LSP1: variants seen among roughly 807,000 people sequenced by gnomAD.
The protein encoded by LSP1 is lymphocyte specific protein 1.
Under a neutral mutation model 49.3 loss-of-function variants are expected in LSP1, and 32 were observed. The ratio of observed to expected loss-of-function variants is 0.65; its 90% CI spans 0.49 to 0.87. The LOEUF is 0.87. Ranked by LOEUF, LSP1 falls within the 40% of genes least tolerant of loss-of-function variation. The probability of loss-of-function intolerance (pLI) is 0.00; values close to 1 mark genes in which losing one functional copy is unlikely to be tolerated. For missense variants in LSP1, 428 were observed against 442.6 expected, an observed-to-expected ratio of 0.97 and a Z score of 0.30; for synonymous variants, 179 against 178.8, an observed-to-expected ratio of 1.00 and a Z score of -0.01.
rs768315651 is a variant in LSP1 at position 1,881,450 on chromosome 11, G to A, written c.210G>A (p.Ser70=). 74 of 1,576,654 alleles carry A rather than the reference G, an allele frequency of 4.7e-5. No homozygotes were observed. The highest frequency in any genetic ancestry group is 5.7e-5 in the Non-Finnish European group (66 of 1,160,716). The change falls in exon 3 of 11, where the codon TCG becomes TCA. Residue 70 remains serine (S), a synonymous_variant. Transcript: ENST00000311604. ...CCCTCAGCCTCAGCCTGAAGCCCTCGGAGGCCCCTGAACTGGATGAGGACG... is the reference window on the plus strand; with the variant it reads ...CCCTCAGCCTCAGCCTGAAGCCCTCAGAGGCCCCTGAACTGGATGAGGACG... ...KQEMLLSLKP[S]EAPELDEDEG...
At chr11:1,869,278 C>T in intron 1 of LSP1, 1 of 243,036 alleles carries the variant, frequency 4.1e-6, no homozygotes, top group South Asian at 4.7e-5. Context: ...GGGAGGGGGG[C>T]AACCCTGTGC....
At chr11:1,867,963 A>G (rs1296171316) in intron 1 of LSP1, among the ~76,000 whole-genome samples, 1 of 152,124 alleles carries the variant, frequency 6.6e-6, no homozygotes, top group Non-Finnish European at 1.5e-5. Context: ...TCTGGCTGGC[A>G]GGGTCAGGCC....
At chr11:1,891,627 T>G (rs1393864095) in intron 10 of LSP1, 146 bp from the exon 11 acceptor site, 1 of 153,352 alleles carries the variant, frequency 6.5e-6, no homozygotes. Context: ...CGTCTTCTCC[T>G]GTGGTGGAGT....
At chr11:1,872,946 C>T (rs1848106654) in intron 1 of LSP1, among the ~76,000 whole-genome samples, 1 of 152,000 alleles carries the variant, frequency 6.6e-6, no homozygotes, top group African/African-American at 2.4e-5. Context: ...CTATCCCATC[C>T]CAAGTTGGAC....
rs767118436 is a variant in LSP1, at chr11:1,880,129, C to T, written c.96C>T (p.Val32=). The T allele has an allele frequency of 6.2e-7, 1 of 1,609,042 alleles. No homozygotes were observed. The highest frequency in any genetic ancestry group is 8.5e-7 in the Non-Finnish European group (1 of 1,177,184). ...QWSVEDEEEA[V]HEQCQHERDR... Reference sequence around the variant, plus strand: ...GCGTGGAGGACGAGGAGGAGGCCGTCCACGAGCAATGCCAGCATGAGAGAG... The same window carrying T: ...GCGTGGAGGACGAGGAGGAGGCCGTTCACGAGCAATGCCAGCATGAGAGAG... The change falls in exon 2 of 11, where the codon GTC becomes GTT. Residue 32 remains valine, a synonymous_variant. Transcript: ENST00000311604.
At chr11:1,887,352 G>A (rs1343481933) in intron 9 of LSP1, 38 bp downstream of exon 9, 7 of 1,602,328 alleles carry the variant, frequency 4.4e-6, no homozygotes, top group Non-Finnish European at 6.0e-6. Flanking sequence ...CAGGGTGGGT[G>A]CAGCAGGGGA....
rs1565079630 is a variant in LSP1 at position 1,874,071 on chromosome 11, A to AGAGCAGGGAGGCCGGCG, written c.54-6013_54-6012insCAGGGAGGCCGGCGGAG. On this transcript the variant is annotated intron_variant, in intron 1 of 10. Transcript: ENST00000311604. ...AGGCTGGCAGAGCAGGGAGGCCGGC[A>AGAGCAGGGAGGCCGGCG]GAGGAGGGAGGCCGGCAGAGCAGGG... 2.1e-3 allele frequency among the ~76,000 whole-genome samples: 85 copies of AGAGCAGGGAGGCCGGCG among 40,480 alleles called. 9 individuals carry two copies. The highest frequency in any genetic ancestry group is 6.7e-3 in the African/African-American group (78 of 11,582). 26.6% of individuals were successfully genotyped at this position (40,480 alleles called of 152,430 possible). A position where few individuals can be genotyped will look rare whatever the true frequency, so the allele number is the denominator to read the frequency against.
At chr11:1,890,923 A>C in intron 10 of LSP1, 1 of 269,280 alleles carries the variant, frequency 3.7e-6, no homozygotes, top group Non-Finnish European at 7.1e-6. Context: ...TCAGGCCGCA[A>C]CACCGTGTGG....
rs757708935 is a variant in LSP1 at position 1,886,885 on chromosome 11, G to A, written c.852+19G>A. On this transcript the variant is annotated intron_variant, in intron 8 of 10. Transcript: ENST00000311604. ...CTGCAAGGTAAGGTCCCCTCCAGGG[G>A]CAAGGCTGGGCTGCAGAGCCAGCGC... 19 of 1,604,560 alleles carry A rather than the reference G, an allele frequency of 1.2e-5. No homozygotes were observed. In the South Asian group the frequency reaches 1.3e-4, roughly 11 times the overall value.
At chr11:1,890,999 G>A in intron 10 of LSP1, 1 of 170,732 alleles carries the variant, frequency 5.9e-6, no homozygotes, top group Non-Finnish European at 1.3e-5. Flanking sequence ...CCAGCTGCTG[G>A]CCAAGCCCAG....
chr11:1,867,652 T>C (rs533151518), intron 1 of LSP1, among the ~76,000 whole-genome samples: 35 of 152,200 alleles, frequency 2.3e-4, no homozygotes, highest in African/African-American at 8.2e-4. Flanking sequence ...TGTCCTGCCA[T>C]GTCAGGTGCA....
chr11:1,876,461 C>A, intron 1 of LSP1: 1 of 985,726 alleles, frequency 1.0e-6, no homozygotes, highest in Non-Finnish European at 1.2e-6. Flanking sequence ...CTCCCCGCAG[C>A]CCTTGCTCTT....
At chr11:1,868,247 G>A (rs1847860042) in intron 1 of LSP1, among the ~76,000 whole-genome samples, 1 of 152,258 alleles carries the variant, frequency 6.6e-6, no homozygotes, top group South Asian at 2.1e-4. Flanking sequence ...GTGCCTTGTA[G>A]CCTGGCCCGG....
At chr11:1,868,847 G>A (rs907869232) in intron 1 of LSP1, 3 of 985,722 alleles carry the variant, frequency 3.0e-6, no homozygotes, top group Non-Finnish European at 3.6e-6. Flanking sequence ...TGGGCAGAGC[G>A]GCCAGCAAGC....
chr11:1,876,376 T>TG, intron 1 of LSP1: 10 of 903,218 alleles, frequency 1.1e-5, no homozygotes, highest in Non-Finnish European at 1.3e-5. Context: ...TCCCCAGGCC[T>TG]CCTGCCAGCT....
chr11:1,880,128 T>C lies in LSP1; in HGVS notation c.95T>C (p.Val32Ala), dbSNP rs181774507. The C allele has an allele frequency of 5.5e-4, 885 of 1,608,556 alleles. No individual in the cohort carries two copies. Among genetic ancestry groups the C allele is most frequent in the Non-Finnish European group, 7.2e-4 (845 of 1,176,948 alleles). ...AGCGTGGAGGACGAGGAGGAGGCCGTCCACGAGCAATGCCAGCATGAGAGA... is the reference window on the plus strand; with the variant it reads ...AGCGTGGAGGACGAGGAGGAGGCCGCCCACGAGCAATGCCAGCATGAGAGA... ...QWSVEDEEEA[V>A]HEQCQHERDR... The change falls in exon 2 of 11, where the codon GTC becomes GCC. Residue 32 changes from valine to alanine, a missense_variant. Val to Ala is a moderately conservative substitution (Grantham distance 64). Coordinates refer to ENST00000311604, the MANE Select transcript of LSP1 (RefSeq NM_002339.3).
At chr11:1,870,415 C>G (rs1847949131) in intron 1 of LSP1, 1 of 1,221,406 alleles carries the variant, frequency 8.2e-7, no homozygotes, top group Non-Finnish European at 1.1e-6. Context: ...CCATGTCTTC[C>G]CTGCACCCCC....
intron 2 of LSP1, among the ~76,000 whole-genome samples, chr11:1,880,526 C>T (rs1848495844): frequency 6.6e-6 from 1 of 152,158 alleles, no homozygotes; most frequent in Non-Finnish European, 1.5e-5. Context: ...GCCGAGCCCC[C>T]CACCAGACTC....
intron 1 of LSP1, among the ~76,000 whole-genome samples, chr11:1,864,843 A>G (rs1363394190): frequency 6.6e-6 from 1 of 151,604 alleles, no homozygotes; most frequent in African/African-American, 2.4e-5. Context: ...GCCAGGTGCC[A>G]GAGGGAGGGA....
Sources: allele counts gnomAD v4.1 joint callset (sites outside exome capture counted in the v4.1 genomes callset), GRCh38; gene constraint gnomAD v4.1.1; transcripts MANE v1.5; gene names NCBI Gene and HGNC (gene_info 2026-07-23, HGNC 2026-07-21).